C2CD5: variants seen among roughly 807,000 people sequenced by gnomAD.
The protein encoded by C2CD5 is C2 domain-containing protein 5.
C2CD5 carries 109 observed loss-of-function variants against 130.3 expected under a neutral mutation model. The observed-to-expected ratio is 0.84, with a 90% CI of 0.72 to 0.98. C2CD5 has a LOEUF of 0.98. Among genes scored for constraint, C2CD5 ranks in the 50% least tolerant of loss-of-function variants. The probability of loss-of-function intolerance (pLI) is 0.00; values close to 1 mark genes in which losing one functional copy is unlikely to be tolerated. For missense variants in C2CD5, 996 were observed against 1,261.8 expected (o/e 0.79, Z 3.19); for synonymous variants, 454 against 429.2 (o/e 1.06, Z -0.71).
intron 26 of C2CD5, 46 bp downstream of exon 26, chr12:22,453,850 A>G (rs1166983844): frequency 2.5e-6 from 4 of 1,589,702 alleles, no homozygotes; most frequent in Non-Finnish European, 2.6e-6. Context: ...GCCATGGAAG[A>G]AATTCTCAGG....
At chr12:22,503,524 T>C (rs1355215384) in intron 10 of C2CD5, among the ~76,000 whole-genome samples, 1 of 152,162 alleles carries the variant, frequency 6.6e-6, no homozygotes, top group Non-Finnish European at 1.5e-5. Context: ...TTTATTTTAT[T>C]TTTTGAGATG....
intron 5 of C2CD5, 86 bp downstream of exon 5, chr12:22,525,524 C>T: frequency 1.3e-6 from 1 of 774,956 alleles, no homozygotes. Context: ...AATAGCTTTT[C>T]TACTTGCCTT....
At chr12:22,490,949 G>A (rs1946267643) in intron 11 of C2CD5, among the ~76,000 whole-genome samples, 1 of 152,144 alleles carries the variant, frequency 6.6e-6, no homozygotes, top group African/African-American at 2.4e-5. Context: ...AAGAGAACAA[G>A]GGAGGAACAG....
At chr12:22,461,191 C>G (rs1941075414) in intron 22 of C2CD5, among the ~76,000 whole-genome samples, 1 of 152,198 alleles carries the variant, frequency 6.6e-6, no homozygotes, top group Admixed American at 6.5e-5. Context: ...GAGACTGGGA[C>G]ACCAACTGTC....
rs184158198 is a variant in C2CD5, at chr12:22,506,432, T to G, written c.1147+279A>C. Reference sequence around the variant, plus strand: ...GGCCATAATGGTCAATTTATAAAAATGTTTATCTCCCCTGGGTCAAAGAAA... The same window carrying G: ...GGCCATAATGGTCAATTTATAAAAAGGTTTATCTCCCCTGGGTCAAAGAAA... On this transcript the variant is annotated intron_variant, in intron 10 of 26. Transcript: ENST00000446597. Among the ~76,000 whole-genome samples the G allele has an allele frequency of 5.8e-3, 883 of 152,350 alleles. 5 individuals are homozygous for G. Among genetic ancestry groups the G allele is most frequent in the Non-Finnish European group, 8.5e-3 (577 of 68,030 alleles).
At chr12:22,480,308 C>G (rs919704026) in intron 14 of C2CD5, among the ~76,000 whole-genome samples, 4 of 152,180 alleles carry the variant, frequency 2.6e-5, no homozygotes, top group Non-Finnish European at 5.9e-5. Context: ...GTTTCTCCTC[C>G]TGTAAAGTGA....
At chr12:22,462,861 C>A (rs561738513) in intron 22 of C2CD5, among the ~76,000 whole-genome samples, 4 of 152,124 alleles carry the variant, frequency 2.6e-5, no homozygotes, top group South Asian at 2.1e-4. Context: ...CCTAAGTGGG[C>A]GGGTCAGTTG....
At chr12:22,493,692 T>G (rs1047311821) in intron 10 of C2CD5, among the ~76,000 whole-genome samples, 2 of 152,066 alleles carry the variant, frequency 1.3e-5, no homozygotes, top group Admixed American at 1.3e-4. Flanking sequence ...CTCACCTCAC[T>G]GAGTGAACAC....
chr12:22,540,401 C>T (rs1952247499), intron 2 of C2CD5, among the ~76,000 whole-genome samples: 2 of 152,172 alleles, frequency 1.3e-5, no homozygotes, highest in African/African-American at 4.8e-5. Flanking sequence ...TGAACTCTCT[C>T]CTCCCACTAA....
intron 12 of C2CD5, among the ~76,000 whole-genome samples, chr12:22,486,580 T>C (rs1945556117): frequency 6.6e-6 from 1 of 152,198 alleles, no homozygotes; most frequent in South Asian, 2.1e-4. Flanking sequence ...ATTTAGGTTA[T>C]TTTATTTTCC....
At chr12:22,537,392 T>C (rs1010036388) in intron 2 of C2CD5, among the ~76,000 whole-genome samples, 2 of 152,062 alleles carry the variant, frequency 1.3e-5, no homozygotes, top group African/African-American at 4.8e-5. Context: ...ACCCAGTCTT[T>C]CAAACAAGAA....
chr12:22,509,927 G>A (rs529156938), intron 9 of C2CD5, among the ~76,000 whole-genome samples: 196 of 152,254 alleles, frequency 1.3e-3, no homozygotes, highest in African/African-American at 4.4e-3. Flanking sequence ...AGCTTCTGCC[G>A]GGCACAGTGG....
At chr12:22,484,375 T>C (rs756733747) in intron 13 of C2CD5, 27 of 205,280 alleles carry the variant, frequency 1.3e-4, no homozygotes, top group African/African-American at 6.2e-4. Flanking sequence ...AGTCAACTTC[T>C]AAAATGTGTT....
intron 15 of C2CD5, among the ~76,000 whole-genome samples, chr12:22,476,981 TTACAAAGTC>T (rs1215465186): frequency 3.9e-5 from 6 of 152,080 alleles, no homozygotes; most frequent in African/African-American, 1.4e-4. Flanking sequence ...CAGAGAACTT[TTACAAAGTC>T]TATTTTTCAA....
chr12:22,539,116 T>A (rs1952097007), intron 2 of C2CD5, among the ~76,000 whole-genome samples: 1 of 152,162 alleles, frequency 6.6e-6, no homozygotes, highest in Admixed American at 6.5e-5. Context: ...AACAGTTGCC[T>A]ATTCATACTC....
intron 10 of C2CD5, among the ~76,000 whole-genome samples, chr12:22,503,839 T>C (rs1203804576): frequency 6.6e-6 from 1 of 152,136 alleles, no homozygotes; most frequent in Non-Finnish European, 1.5e-5. Flanking sequence ...ATCAAAATAA[T>C]ATTAGAACCA....
chr12:22,506,530 C>G (rs904459057), intron 10 of C2CD5, among the ~76,000 whole-genome samples, 181 bp downstream of exon 10: 3 of 152,004 alleles, frequency 2.0e-5, no homozygotes, highest in African/African-American at 7.3e-5. Context: ...AGAAAAGTAA[C>G]TAAAATACAC....
intron 26 of C2CD5, among the ~76,000 whole-genome samples, chr12:22,452,129 A>T (rs1216725655): frequency 6.6e-6 from 1 of 152,194 alleles, no homozygotes; most frequent in Non-Finnish European, 1.5e-5. Context: ...CTCAATCTCA[A>T]ATACAAAGTA....
chr12:22,497,907 TACAC>T lies in C2CD5; in HGVS notation c.1148-4574_1148-4571del, dbSNP rs3063916. On this transcript the variant is annotated intron_variant, in intron 10 of 26. Transcript: ENST00000446597. ...CACTACATACACGCATGCACACACA[TACAC>T]ACACACACACACACACACACACACA... Among the ~76,000 whole-genome samples, 1,067 of 145,710 alleles carry T rather than the reference TACAC, an allele frequency of 7.3e-3. 16 individuals carry two copies. Among genetic ancestry groups the T allele is most frequent in the Admixed American group, 0.032 (458 of 14,406 alleles).
Sources: gnomAD v4.1 joint callset for allele counts (sites outside exome capture counted in the v4.1 genomes callset) on GRCh38, gnomAD v4.1.1 for gene constraint, MANE v1.5 for transcripts, NCBI Gene and HGNC (gene_info 2026-07-23, HGNC 2026-07-21) for gene names.